CACNA2D3: variants seen among roughly 807,000 people sequenced by gnomAD.
CACNA2D3 encodes the protein calcium voltage-gated channel auxiliary subunit alpha2delta 3, also known as voltage-dependent calcium channel subunit alpha-2/delta-3.
Under a neutral mutation model 160.6 loss-of-function variants are expected in CACNA2D3, and 60 were observed. That is an observed-to-expected ratio of 0.37 (90% CI 0.30 to 0.46). The LOEUF (loss-of-function observed/expected upper bound fraction) is 0.46. CACNA2D3 is among the 20% of genes least tolerant of loss of function. The probability of loss-of-function intolerance (pLI) is 1.00; values close to 1 mark genes in which losing one functional copy is unlikely to be tolerated. For synonymous variants in CACNA2D3, 558 were observed against 492.9 expected, an observed-to-expected ratio of 1.13 and a Z score of -1.75; for missense variants, 1,205 against 1,365.0, an observed-to-expected ratio of 0.88 and a Z score of 1.85.
At chr3:54,576,800 G>A (rs1702589909) in intron 8 of CACNA2D3, among the ~76,000 whole-genome samples, 1 of 152,178 alleles carries the variant, frequency 6.6e-6, no homozygotes, top group Non-Finnish European at 1.5e-5. Flanking sequence ...TTGGGAGGCT[G>A]AGGCAGGAGG....
At chr3:54,904,513 A>C (rs1355914394) in intron 27 of CACNA2D3, among the ~76,000 whole-genome samples, 1 of 152,246 alleles carries the variant, frequency 6.6e-6, no homozygotes, top group Non-Finnish European at 1.5e-5. Context: ...GATGTGTAAA[A>C]TATTAAATAA....
intron 26 of CACNA2D3, among the ~76,000 whole-genome samples, chr3:54,898,267 G>T (rs1700244773): frequency 7.0e-6 from 1 of 143,500 alleles, no homozygotes; most frequent in Admixed American, 7.1e-5. Flanking sequence ...CCGTCACCCA[G>T]GTTGGAGTGC....
At chr3:54,595,148 G>A (rs1702928555) in intron 9 of CACNA2D3, among the ~76,000 whole-genome samples, 1 of 152,172 alleles carries the variant, frequency 6.6e-6, no homozygotes, top group Non-Finnish European at 1.5e-5. Flanking sequence ...GCCCATCTTA[G>A]TAGAAAGGGC....
chr3:54,511,685 G>T (rs1175770517), intron 5 of CACNA2D3, among the ~76,000 whole-genome samples: 1 of 152,126 alleles, frequency 6.6e-6, no homozygotes, highest in South Asian at 2.1e-4. Context: ...ATTCTGAAAG[G>T]TGGTACCAGG....
intron 3 of CACNA2D3, among the ~76,000 whole-genome samples, chr3:54,383,144 G>A (rs1240220603): frequency 6.6e-6 from 1 of 152,112 alleles, no homozygotes; most frequent in African/African-American, 2.4e-5. Context: ...GCCTGTTTTA[G>A]GTAAATCTAT....
chr3:54,613,556 C>T (rs756212522), intron 9 of CACNA2D3, among the ~76,000 whole-genome samples: 6 of 152,224 alleles, frequency 3.9e-5, no homozygotes, highest in Non-Finnish European at 7.3e-5. Context: ...GCTGAGAAGG[C>T]TTTCTATCCC....
At chr3:54,465,754 T>C (rs767244684) in intron 4 of CACNA2D3, among the ~76,000 whole-genome samples, 1 of 152,248 alleles carries the variant, frequency 6.6e-6, no homozygotes, top group African/African-American at 2.4e-5. Context: ...TTTTCTATTG[T>C]TGCATAACTC....
chr3:54,838,637 C>T lies in CACNA2D3; in HGVS notation c.1540C>T (p.Pro514Ser). The stretch of plus-strand genomic sequence containing the variant: ...AGTGAAAGAACTTCTGAAGACCATC[C>T]CCAAATACAAGGTAATGAATGACCT... Reference protein sequence around the residue: ...VPVKELLKTIPKYKLGIHGYA... With the variant: ...VPVKELLKTISKYKLGIHGYA... The change falls in exon 16 of 38, where the codon CCC becomes TCC. Residue 514 changes from proline (P) to serine (S), a missense_variant. Pro to Ser is a moderately conservative substitution (Grantham distance 74, BLOSUM62 -1). This residue lies in a region of CACNA2D3 where 911 missense variants were observed against 1,002.2 expected (regional missense o/e 0.91). Coordinates refer to ENST00000474759, the MANE Select transcript of CACNA2D3 (RefSeq NM_018398.3). 6.2e-7 allele frequency: 1 copy of T among 1,610,456 alleles called. No homozygotes were observed. The highest frequency in any genetic ancestry group is 8.5e-7 in the Non-Finnish European group (1 of 1,176,754).
chr3:54,562,665 G>A, intron 5 of CACNA2D3, 135 bp from the exon 6 acceptor site: 1 of 687,318 alleles, frequency 1.5e-6, no homozygotes, highest in East Asian at 3.0e-5. Flanking sequence ...ACGTTTTTGT[G>A]GCTATAACTT....
chr3:54,783,203 T>C (rs544996880), intron 13 of CACNA2D3, among the ~76,000 whole-genome samples: 2 of 152,230 alleles, frequency 1.3e-5, no homozygotes, highest in East Asian at 3.9e-4. Flanking sequence ...CCAAAGTCTT[T>C]AGAATGCCTA....
At chr3:54,804,256 C>A (rs1378646038) in intron 13 of CACNA2D3, among the ~76,000 whole-genome samples, 10 of 151,884 alleles carry the variant, frequency 6.6e-5, no homozygotes, top group Non-Finnish European at 1.0e-4. Flanking sequence ...AAGACACAGA[C>A]TGGCAAATTG....
chr3:54,606,779 C>T (rs1041639858), intron 9 of CACNA2D3, among the ~76,000 whole-genome samples: 7 of 152,136 alleles, frequency 4.6e-5, no homozygotes, highest in African/African-American at 9.7e-5. Flanking sequence ...GACGACGTGG[C>T]CTGAAGGCTC....
At chr3:54,145,766 G>C (rs1296962296) in intron 2 of CACNA2D3, among the ~76,000 whole-genome samples, 1 of 152,204 alleles carries the variant, frequency 6.6e-6, no homozygotes, top group Non-Finnish European at 1.5e-5. Context: ...ACCCCTGTCT[G>C]CTTTCAATTA....
intron 4 of CACNA2D3, among the ~76,000 whole-genome samples, chr3:54,446,905 C>A (rs927587096): frequency 1.3e-5 from 2 of 152,196 alleles, no homozygotes; most frequent in Non-Finnish European, 2.9e-5. Flanking sequence ...TGTCTCTGAA[C>A]TCTCCAGCTC....
intron 4 of CACNA2D3, among the ~76,000 whole-genome samples, chr3:54,435,661 T>C (rs1349625134): frequency 2.6e-5 from 4 of 152,094 alleles, no homozygotes; most frequent in Non-Finnish European, 1.5e-5. Flanking sequence ...TAATGTAATA[T>C]CCAAAATGTC....
chr3:54,647,814 A>G (rs1009396858), intron 11 of CACNA2D3, among the ~76,000 whole-genome samples: 1 of 152,228 alleles, frequency 6.6e-6, no homozygotes, highest in Non-Finnish European at 1.5e-5. Context: ...TGCTTATGCA[A>G]TGTGTCCCTT....
chr3:55,052,973 A>AT (rs1032048387), intron 35 of CACNA2D3, among the ~76,000 whole-genome samples: 1 of 152,016 alleles, frequency 6.6e-6, no homozygotes, highest in South Asian at 2.1e-4. Context: ...TGGGCCATTT[A>AT]TTTTTTTTAA....
At chr3:54,576,625 G>C (rs1485923652) in intron 8 of CACNA2D3, among the ~76,000 whole-genome samples, 1 of 152,212 alleles carries the variant, frequency 6.6e-6, no homozygotes, top group Non-Finnish European at 1.5e-5. Context: ...AGTTACCTCA[G>C]CAAGAGTTGT....
At chr3:54,985,363 T>G (rs1702592193) in intron 30 of CACNA2D3, among the ~76,000 whole-genome samples, 1 of 152,156 alleles carries the variant, frequency 6.6e-6, no homozygotes, top group South Asian at 2.1e-4. Context: ...AAAAACGAGT[T>G]TTTCCATTCA....
Sources: allele counts gnomAD v4.1 joint callset (sites outside exome capture counted in the v4.1 genomes callset), GRCh38; gene constraint gnomAD v4.1.1; regional missense constraint gnomAD v4.1.1; transcripts MANE v1.5; gene names NCBI Gene and HGNC (gene_info 2026-07-23, HGNC 2026-07-21).